The following SGCZ variants were observed in gnomAD, a reference collection of about 807,000 sequenced individuals.
SGCZ encodes zeta-sarcoglycan.
A neutral mutation model predicts 41.3 loss-of-function variants in SGCZ; 40 were observed. The observed-to-expected ratio is 0.97, with a 90% CI of 0.75 to 1.26. SGCZ has a LOEUF of 1.26. SGCZ is among the 50% of genes most tolerant of loss of function. The pLI, the probability that SGCZ is intolerant of heterozygous loss-of-function variation, is 0.00. For synonymous variants in SGCZ, 206 were observed against 137.5 expected, an observed-to-expected ratio of 1.50 and a Z score of -3.49; for missense variants, 552 against 369.8, an observed-to-expected ratio of 1.49 and a Z score of -4.04.
intron 3 of SGCZ, among the ~76,000 whole-genome samples, chr8:14,243,997 T>G (rs1798985917): frequency 6.6e-6 from 1 of 152,198 alleles, no homozygotes; most frequent in South Asian, 2.1e-4. Context: ...GTGTCACGCT[T>G]GACACATACT....
At chr8:14,265,698 A>T (rs1381667932) in intron 3 of SGCZ, among the ~76,000 whole-genome samples, 1 of 151,938 alleles carries the variant, frequency 6.6e-6, no homozygotes, top group African/African-American at 2.4e-5. Flanking sequence ...GGTTAAGCAA[A>T]CTCAACATGG....
At chr8:14,302,074 C>G (rs1480096182) in intron 3 of SGCZ, among the ~76,000 whole-genome samples, 4 of 152,110 alleles carry the variant, frequency 2.6e-5, no homozygotes, top group Non-Finnish European at 4.4e-5. Flanking sequence ...TTCTCTTTCT[C>G]TAAGATTACA....
chr8:14,567,633 C>T (rs568956508), intron 1 of SGCZ, among the ~76,000 whole-genome samples: 21 of 152,272 alleles, frequency 1.4e-4, no homozygotes, highest in Admixed American at 3.3e-4. Flanking sequence ...CTGGGGTCCC[C>T]TTCCACAGTG....
intron 2 of SGCZ, among the ~76,000 whole-genome samples, chr8:14,359,100 TTA>T (rs1563278322): frequency 6.6e-6 from 1 of 152,108 alleles, no homozygotes; most frequent in Non-Finnish European, 1.5e-5. Context: ...GTAATTATAA[TTA>T]TGATATTCAA....
rs1804091666 is a variant in SGCZ at position 14,870,100 on chromosome 8, A to C, written c.40-315174T>G. 2.0e-5 allele frequency among the ~76,000 whole-genome samples: 3 copies of C among 152,198 alleles called. No individual in the cohort carries two copies. In the South Asian group the frequency reaches 6.2e-4, roughly 32 times the overall value. On this transcript the variant is annotated intron_variant, in intron 1 of 7. Transcript: ENST00000382080. ...ATACTTTAAATTTCATATGGAACCA[A>C]AAAAGAGCCAGTATAGCCAAAACAA...
Position 14,142,178 on chromosome 8 carries a change from C to T in SGCZ, c.547+22402G>A, listed in dbSNP as rs116315791. 5.1e-3 allele frequency among the ~76,000 whole-genome samples: 776 copies of T among 152,088 alleles called. 9 individuals carry two copies. Among genetic ancestry groups the T allele is most frequent in the African/African-American group, 0.017 (723 of 41,482 alleles). ...ACCAGGGCCTGTCGAGGGGTGGAGGCATGGGGGAGGGATAGCACTGGGAGA... is the reference window on the plus strand; with the variant it reads ...ACCAGGGCCTGTCGAGGGGTGGAGGTATGGGGGAGGGATAGCACTGGGAGA... On this transcript the variant is annotated intron_variant, in intron 5 of 7. Transcript: ENST00000382080.
chr8:14,605,674 C>T (rs534637678), intron 1 of SGCZ, among the ~76,000 whole-genome samples: 1 of 152,212 alleles, frequency 6.6e-6, no homozygotes, highest in African/African-American at 2.4e-5. Context: ...ATCATGTTTA[C>T]TATGAAAGGG....
intron 4 of SGCZ, among the ~76,000 whole-genome samples, chr8:14,207,649 A>G (rs564170796): frequency 1.3e-5 from 2 of 152,242 alleles, no homozygotes; most frequent in South Asian, 4.1e-4. Flanking sequence ...GTAGTGCTCT[A>G]TTGTTAAATG....
intron 1 of SGCZ, among the ~76,000 whole-genome samples, chr8:14,919,058 C>A (rs1479042650): frequency 2.0e-5 from 3 of 152,092 alleles, no homozygotes; most frequent in Non-Finnish European, 4.4e-5. Context: ...GCAATACTCA[C>A]CTTTTAAGAT....
At chr8:14,977,406 G>A (rs1166456549) in intron 1 of SGCZ, among the ~76,000 whole-genome samples, 1 of 152,168 alleles carries the variant, frequency 6.6e-6, no homozygotes, top group East Asian at 1.9e-4. Flanking sequence ...TACTTAATAT[G>A]CTGAAAAACA....
chr8:14,821,346 T>C (rs1164619838), intron 1 of SGCZ, among the ~76,000 whole-genome samples: 1 of 151,960 alleles, frequency 6.6e-6, no homozygotes, highest in Non-Finnish European at 1.5e-5. Flanking sequence ...CATCAAAGTA[T>C]AGCCAGGAAC....
intron 3 of SGCZ, among the ~76,000 whole-genome samples, chr8:14,240,125 G>A (rs1798817675): frequency 1.3e-5 from 2 of 151,592 alleles, no homozygotes; most frequent in African/African-American, 4.8e-5. Flanking sequence ...CCAGGAGTTT[G>A]AAACCAGCCT....
chr8:14,340,999 G>C (rs1052766488), intron 2 of SGCZ, among the ~76,000 whole-genome samples: 1 of 152,090 alleles, frequency 6.6e-6, no homozygotes, highest in Non-Finnish European at 1.5e-5. Flanking sequence ...TCTCTGAACT[G>C]CTCGAGGAGC....
chr8:14,875,038 G>C (rs1427336248), intron 1 of SGCZ, among the ~76,000 whole-genome samples: 1 of 152,146 alleles, frequency 6.6e-6, no homozygotes, highest in Non-Finnish European at 1.5e-5. Context: ...CTTTGTCTGT[G>C]TGTATTGCTA....
At chr8:14,785,156 T>C (rs1164471470) in intron 1 of SGCZ, among the ~76,000 whole-genome samples, 1 of 151,164 alleles carries the variant, frequency 6.6e-6, no homozygotes, top group Non-Finnish European at 1.5e-5. Context: ...AAAATGATAA[T>C]CCCAGTGTTT....
chr8:14,518,894 C>CAAAAAAAA lies in SGCZ; in HGVS notation c.234+35830_234+35837dup, dbSNP rs370947291. ...CAACATGGCGAAACCCCATCTCTAC[C>CAAAAAAAA]AAAAAAAAAAAAAAAAATACAAAAA... is the stretch of plus-strand genomic sequence containing the variant. On this transcript the variant is annotated intron_variant, in intron 2 of 7. Coordinates refer to ENST00000382080, the MANE Select transcript of SGCZ (RefSeq NM_139167.4). Among the ~76,000 whole-genome samples, 14 of 128,218 alleles carry CAAAAAAAA rather than the reference C, an allele frequency of 1.1e-4. 1 individual carries two copies. The highest frequency in any genetic ancestry group is 3.9e-4 in the African/African-American group (13 of 33,640). The allele number at this position is 128,218 out of a possible 152,430, so 84.1% of individuals were successfully genotyped here.
chr8:14,505,922 G>A (rs764855248), intron 2 of SGCZ, among the ~76,000 whole-genome samples: 1 of 152,154 alleles, frequency 6.6e-6, no homozygotes, highest in Non-Finnish European at 1.5e-5. Flanking sequence ...CAAGCTAACT[G>A]TTCAGGATGG....
At chr8:14,531,259 C>G (rs943855521) in intron 2 of SGCZ, among the ~76,000 whole-genome samples, 1 of 134,594 alleles carries the variant, frequency 7.4e-6, no homozygotes, top group Non-Finnish European at 1.6e-5. Context: ...GATTCAGCCT[C>G]TTAACTGGCA....
chr8:15,179,915 T>C (rs937961065), intron 1 of SGCZ, among the ~76,000 whole-genome samples: 1 of 152,196 alleles, frequency 6.6e-6, no homozygotes, highest in Non-Finnish European at 1.5e-5. Context: ...GGAACTACTT[T>C]GTGTAGGATT....
Sources: allele counts gnomAD v4.1 joint callset (sites outside exome capture counted in the v4.1 genomes callset), GRCh38; gene constraint gnomAD v4.1.1; transcripts MANE v1.5; gene names NCBI Gene and HGNC (gene_info 2026-07-23, HGNC 2026-07-21).